The following GAS2L1 variants were observed in gnomAD, a reference collection of about 807,000 sequenced individuals.
GAS2L1 encodes growth arrest specific 2 like 1.
In GAS2L1, 26 loss-of-function variants were observed where a neutral mutation model predicts 44.0. The ratio of observed to expected loss-of-function variants is 0.59; its 90% CI spans 0.43 to 0.82. The LOEUF (loss-of-function observed/expected upper bound fraction) is 0.82. Ranked by LOEUF, GAS2L1 falls within the 40% of genes least tolerant of loss-of-function variation. The pLI is 0.00. For missense variants in GAS2L1, 1,006 were observed against 983.0 expected, an observed-to-expected ratio of 1.02 and a Z score of -0.31; for synonymous variants, 426 against 415.9, an observed-to-expected ratio of 1.02 and a Z score of -0.30.
At chr22:29,312,573 G>A in exon 5 of GAS2L1, 2 of 1,110,430 alleles carry the variant, frequency 1.8e-6, no homozygotes, top group South Asian at 1.9e-5. Flanking sequence ...GCATCAGGGA[G>A]CCCCCTCTGC....
exon 3 of GAS2L1, chr22:29,310,714 C>A: frequency 6.2e-7 from 1 of 1,609,416 alleles, no homozygotes; most frequent in Non-Finnish European, 8.5e-7. Flanking sequence ...AAGCACGACC[C>A]GTGCCGCTGC....
Position 29,308,163 on chromosome 22 carries a change from C to A in GAS2L1, c.58C>A (p.Arg20Ser), listed in dbSNP as rs376837134. 51 of 1,591,636 alleles carry A rather than the reference C, an allele frequency of 3.2e-5. No homozygotes were observed. Among genetic ancestry groups the A allele is most frequent in the Admixed American group, 1.5e-4 (9 of 59,008 alleles). ...GGCGGCCAAGAGCGTGCGGCCATTT[C>A]GCTCCAGTGAGGCCTACGTGGAGGC... The change falls in exon 1 of 5, where the codon CGC becomes AGC. Residue 20 changes from arginine to serine, a missense_variant. Arg to Ser is a moderately radical substitution (Grantham distance 110, BLOSUM62 -1). Transcript: ENST00000618518.
chr22:29,310,846 G>T (rs539403505), exon 4 of GAS2L1: 6 of 1,611,134 alleles, frequency 3.7e-6, no homozygotes, highest in Non-Finnish European at 4.2e-6. Flanking sequence ...CACCCCAGCC[G>T]AGGGTCTGCA....
chr22:29,311,962 G>A, exon 5 of GAS2L1: 5 of 1,608,260 alleles, frequency 3.1e-6, no homozygotes, highest in Non-Finnish European at 3.4e-6. Flanking sequence ...AGCATCTTCC[G>A]CACACCCCTG....
exon 5 of GAS2L1, chr22:29,311,666 C>T: frequency 6.6e-7 from 1 of 1,526,538 alleles, no homozygotes; most frequent in Non-Finnish European, 8.8e-7. Flanking sequence ...GCAGCCAGTC[C>T]CGAGACCGGC....
chr22:29,308,164 G>C, exon 1 of GAS2L1: 1 of 1,591,960 alleles, frequency 6.3e-7, no homozygotes, highest in Non-Finnish European at 8.6e-7. Context: ...CGGCCATTTC[G>C]CTCCAGTGAG....
In GAS2L1 at chr22:29,311,754, C is replaced by T. The variant is rs999697123; in HGVS notation, c.1303C>T (p.Arg435Trp). ...GGTCCCCAGCCCTGCCCGGCGGGCCCGGAGCCAGAGCCGCGAGGAGCAGGC... is the reference window on the plus strand; with the variant it reads ...GGTCCCCAGCCCTGCCCGGCGGGCCTGGAGCCAGAGCCGCGAGGAGCAGGC... The change falls in exon 5 of 5, where the codon CGG (arginine) becomes TGG (tryptophan). Residue 435 changes from arginine to tryptophan, a missense_variant. By Grantham distance (101) the Arg-to-Trp change is moderately radical (BLOSUM62 -3). Coordinates refer to ENST00000618518, the Ensembl canonical transcript of GAS2L1. 5 of 1,536,282 alleles carry T rather than the reference C, an allele frequency of 3.3e-6. No homozygotes were observed. In the African/African-American group the frequency reaches 5.5e-5, roughly 17 times the overall value.
At chr22:29,307,002 A>G (rs1032190141), upstream of GAS2L1, 6 of 151,938 alleles carry the variant, frequency 3.9e-5, no homozygotes, top group African/African-American at 1.5e-4. Context: ...CAGGATCCGA[A>G]TTCCAGGGAG....
chr22:29,312,201 G>A (rs557172658), exon 5 of GAS2L1: 1 of 1,613,080 alleles, frequency 6.2e-7, no homozygotes, highest in Admixed American at 1.7e-5. Flanking sequence ...TGGGGACTCT[G>A]GCCGGACGGC....
At chr22:29,308,978 C>T (rs2061377892) in intron 1 of GAS2L1, among the ~76,000 whole-genome samples, 2 of 152,224 alleles carry the variant, frequency 1.3e-5, no homozygotes, top group African/African-American at 2.4e-5. Context: ...AGGATGCGGG[C>T]TCCTGGCACG....
chr22:29,311,080 C>G, intron 4 of GAS2L1, 82 bp downstream of exon 5: 1 of 1,336,084 alleles, frequency 7.5e-7, no homozygotes, highest in South Asian at 1.4e-5. Context: ...GTTGCCTGTG[C>G]GCCAGAGTGA....
At chr22:29,312,039 C>T (rs751209803) in exon 5 of GAS2L1, 13 of 1,612,482 alleles carry the variant, frequency 8.1e-6, no homozygotes, top group Middle Eastern at 1.6e-4. Context: ...GGCCAATGCC[C>T]GGGCCCTTGA....
exon 5 of GAS2L1, chr22:29,311,740 C>G: frequency 6.5e-7 from 1 of 1,533,500 alleles, no homozygotes; most frequent in Non-Finnish European, 8.7e-7. Context: ...GTCCCCAGCC[C>G]TGCCCGGCGG....
chr22:29,310,207 A>C (rs2061387517), intron 1 of GAS2L1: 1 of 250,342 alleles, frequency 4.0e-6, no homozygotes, highest in South Asian at 1.1e-4. Context: ...GTGCTATTGC[A>C]CTCCAGCCTG....
chr22:29,311,543 C>T (rs1210285751), exon 5 of GAS2L1: 1 of 1,542,450 alleles, frequency 6.5e-7, no homozygotes, highest in East Asian at 2.4e-5. Context: ...CCGCCCAGAG[C>T]GGCCCCCTTG....
At chr22:29,310,880 C>G in exon 4 of GAS2L1, 1 of 1,613,256 alleles carries the variant, frequency 6.2e-7, no homozygotes, top group Non-Finnish European at 8.5e-7. Context: ...GAGGGTGTCG[C>G]CCACCACCAG....
Position 29,312,484 on chromosome 22 carries a change from AT to A in GAS2L1, c.2035del (p.Ser679ProfsTer23). 1 of 1,509,456 alleles carries A rather than the reference AT, an allele frequency of 6.6e-7. No homozygotes were observed. The highest frequency in any genetic ancestry group is 8.9e-7 in the Non-Finnish European group (1 of 1,128,324). 93.5% of individuals were successfully genotyped at this position (1,509,456 alleles called of 1,614,324 possible). A position where few individuals can be genotyped will look rare whatever the true frequency, so the allele number is the denominator to read the frequency against. On this transcript the variant is annotated frameshift_variant, in exon 5 of 5. Coordinates refer to ENST00000618518, the Ensembl canonical transcript of GAS2L1. LOFTEE classifies it high-confidence loss of function. The stretch of plus-strand genomic sequence containing the variant: ...TCAGTCACCCCGAGGGCTGAGCCAG[AT>A]TCCTGGATGTGATGGACCAGCTCAG...
At chr22:29,308,699 C>T in exon 1 of GAS2L1, 3 of 1,501,760 alleles carry the variant, frequency 2.0e-6, no homozygotes, top group Non-Finnish European at 2.7e-6. Context: ...CCCGCGGCCC[C>T]CGCATGACAC....
chr22:29,311,762 G>A (rs1287090770), exon 5 of GAS2L1: 2 of 1,539,124 alleles, frequency 1.3e-6, no homozygotes, highest in Non-Finnish European at 1.7e-6. Context: ...CCCGGAGCCA[G>A]AGCCGCGAGG....
Sources: gnomAD v4.1 joint callset for allele counts (sites outside exome capture counted in the v4.1 genomes callset) on GRCh38, gnomAD v4.1.1 for gene constraint, MANE v1.5 for transcripts, NCBI Gene and HGNC (gene_info 2026-07-23, HGNC 2026-07-21) for gene names.